The following ELOVL6 variants were observed in gnomAD, a reference collection of about 807,000 sequenced individuals.
The protein encoded by ELOVL6 is very long chain fatty acid elongase 6.
ELOVL6 carries 8 observed loss-of-function variants against 31.7 expected under a neutral mutation model. The observed-to-expected ratio is 0.25, with a 90% CI of 0.15 to 0.45. The LOEUF (loss-of-function observed/expected upper bound fraction) is 0.45. ELOVL6 is among the 20% of genes least tolerant of loss of function. The pLI is 1.00. For synonymous variants in ELOVL6, 101 were observed against 117.7 expected (o/e 0.86, Z 0.92); for missense variants, 126 against 326.4 (o/e 0.39, Z 4.73).
At chr4:110,117,863 C>G (rs1189502975) in intron 1 of ELOVL6, 1 of 46,786 alleles carries the variant, frequency 2.1e-5, no homozygotes, top group East Asian at 6.3e-4. Flanking sequence ...GCCTGGGCAA[C>G]AGAGTGAGAC....
At chr4:110,111,099 C>G (rs1757022035) in intron 1 of ELOVL6, among the ~76,000 whole-genome samples, 1 of 152,160 alleles carries the variant, frequency 6.6e-6, no homozygotes, top group Non-Finnish European at 1.5e-5. Context: ...GGCTGCACAT[C>G]CCTTTCCAGG....
At chr4:110,099,705 GAA>G (rs1184261536) in intron 2 of ELOVL6, among the ~76,000 whole-genome samples, 1 of 152,176 alleles carries the variant, frequency 6.6e-6, no homozygotes, top group Non-Finnish European at 1.5e-5. Context: ...CTGATGAAAA[GAA>G]AACACTGCCA....
intron 1 of ELOVL6, among the ~76,000 whole-genome samples, chr4:110,179,167 A>G (rs942973663): frequency 2.0e-5 from 3 of 152,186 alleles, no homozygotes. Context: ...ATACAATTTA[A>G]TTGACGAGAC....
intron 1 of ELOVL6, among the ~76,000 whole-genome samples, chr4:110,143,425 T>G (rs562413312): frequency 1.3e-5 from 2 of 152,312 alleles, no homozygotes; most frequent in African/African-American, 4.8e-5. Flanking sequence ...AATTTCATGT[T>G]CTGATTTCAT....
At chr4:110,052,341 A>C (rs2126219010) in intron 3 of ELOVL6, among the ~76,000 whole-genome samples, 1 of 152,354 alleles carries the variant, frequency 6.6e-6, no homozygotes, top group Admixed American at 6.5e-5. Flanking sequence ...GAGCTCCCTA[A>C]ATTACACAGC....
intron 1 of ELOVL6, among the ~76,000 whole-genome samples, chr4:110,177,079 T>C (rs902605631): frequency 3.3e-5 from 5 of 152,206 alleles, no homozygotes; most frequent in African/African-American, 1.2e-4. Context: ...CCCCATCCTC[T>C]GTCAGTGAAT....
In ELOVL6 at chr4:110,084,586, A is replaced by T. The variant is rs1357927400; in HGVS notation, c.221+20911T>A. 3.6e-3 allele frequency among the ~76,000 whole-genome samples: 141 copies of T among 39,572 alleles called. 3 individuals are homozygous for T. The highest frequency in any genetic ancestry group is 0.016 in the East Asian group (15 of 918). The allele number at this position is 39,572 out of a possible 152,430, so 26.0% of individuals were successfully genotyped here. A position where few individuals can be genotyped will look rare whatever the true frequency, so the allele number is the denominator to read the frequency against. On this transcript the variant is annotated intron_variant, in intron 2 of 3. Transcript: ENST00000302274. ...CAGATATATATATATATATATATAT[A>T]TATTTTTTTTTTTTTTTTTTTTTTT...
At chr4:110,137,555 A>C (rs912661586) in intron 1 of ELOVL6, among the ~76,000 whole-genome samples, 1 of 152,192 alleles carries the variant, frequency 6.6e-6, no homozygotes, top group Non-Finnish European at 1.5e-5. Context: ...ATGTCAGTTA[A>C]GTTTATGCTT....
In ELOVL6 at chr4:110,084,211, CATATAACTTATATGATAT is replaced by C. The variant is rs1434755519; in HGVS notation, c.221+21268_221+21285del. Among the ~76,000 whole-genome samples the C allele has an allele frequency of 8.8e-5, 5 of 56,944 alleles. 1 individual carries two copies. Among genetic ancestry groups the C allele is most frequent in the Non-Finnish European group, 1.4e-4 (5 of 35,268 alleles). The allele number at this position is 56,944 out of a possible 152,430, so 37.4% of individuals were successfully genotyped here. On this transcript the variant is annotated intron_variant, in intron 2 of 3. Coordinates refer to ENST00000302274, the MANE Select transcript of ELOVL6 (RefSeq NM_024090.3). ...CATATAACTTATATGATATATATAA[CATATAACTTATATGATAT>C]ATATAACATATATGATATATATAAC...
At chr4:110,152,013 T>C (rs1560846722) in intron 1 of ELOVL6, among the ~76,000 whole-genome samples, 1 of 152,176 alleles carries the variant, frequency 6.6e-6, no homozygotes. Context: ...AGTTCTAAAC[T>C]GGGTAGAAAT....
intron 1 of ELOVL6, among the ~76,000 whole-genome samples, chr4:110,112,037 T>C (rs1033103703): frequency 6.6e-6 from 1 of 152,372 alleles, no homozygotes; most frequent in Admixed American, 6.5e-5. Context: ...AAATCACACA[T>C]ACCCCATCAT....
chr4:110,197,896 C>A (rs1005695102), intron 1 of ELOVL6: 4 of 302,744 alleles, frequency 1.3e-5, no homozygotes, highest in South Asian at 9.0e-5. Context: ...AGATGAAAAC[C>A]GGGGGAGGGG....
At chr4:110,147,663 T>TG (rs1343533900) in intron 1 of ELOVL6, among the ~76,000 whole-genome samples, 1 of 151,306 alleles carries the variant, frequency 6.6e-6, no homozygotes. Context: ...TGGTGGTGTG[T>TG]GCCTGTATTC....
At position 110,165,767 on chromosome 4, in the gene ELOVL6, A is replaced by C. The variant is rs146263822; in HGVS notation, c.89+32480T>G. Among the ~76,000 whole-genome samples the C allele has an allele frequency of 3.7e-3, 563 of 152,340 alleles. 4 individuals are homozygous for C. In the Middle Eastern group the frequency reaches 0.048, roughly 13 times the overall value. ...ACTAACAGGAGGATTTTTGTAATAA[A>C]GTATGTGGAGCTGGCCAGGTAACAC... On this transcript the variant is annotated intron_variant, in intron 1 of 3. Coordinates refer to ENST00000302274, the MANE Select transcript of ELOVL6 (RefSeq NM_024090.3).
intron 1 of ELOVL6, among the ~76,000 whole-genome samples, chr4:110,112,436 C>A (rs187659692): frequency 6.6e-6 from 1 of 152,298 alleles, no homozygotes; most frequent in African/African-American, 2.4e-5. Flanking sequence ...AATCCTAAAG[C>A]GTTGCATCTT....
chr4:110,196,251 A>T (rs1361025540), intron 1 of ELOVL6, among the ~76,000 whole-genome samples: 1 of 152,196 alleles, frequency 6.6e-6, no homozygotes, highest in Non-Finnish European at 1.5e-5. Flanking sequence ...GGACGCAGCA[A>T]GTCAGAGATT....
Position 110,048,717 on chromosome 4 carries a change from A to T in ELOVL6, c.*2621T>A, listed in dbSNP as rs553973813. ...TTTTGTTTTGTTTTGTTTTGTTTTA[A>T]AAAAAATGTGGCTTTTTTCCTCCCA... On this transcript the variant is annotated 3_prime_UTR_variant, in exon 4 of 4. Transcript: ENST00000302274. 2.3e-3 allele frequency: 84 copies of T among 36,618 alleles called. No individual in the cohort carries two copies. The African/African-American group carries it at 0.059, about 26-fold the overall frequency. The allele number at this position is 36,618 out of a possible 1,614,324, so 2.3% of individuals were successfully genotyped here.
intron 1 of ELOVL6, among the ~76,000 whole-genome samples, chr4:110,138,325 T>A (rs780998748): frequency 6.6e-5 from 10 of 152,208 alleles, no homozygotes; most frequent in Non-Finnish European, 1.2e-4. Flanking sequence ...CAAATCCTAC[T>A]GGGTATTTCT....
At chr4:110,091,440 C>G (rs1756425153) in intron 2 of ELOVL6, among the ~76,000 whole-genome samples, 2 of 152,232 alleles carry the variant, frequency 1.3e-5, no homozygotes, top group African/African-American at 4.8e-5. Flanking sequence ...CTCCTGAGCT[C>G]TGTGCCCTTG....
Sources: gnomAD v4.1 joint callset for allele counts (sites outside exome capture counted in the v4.1 genomes callset) on GRCh38, gnomAD v4.1.1 for gene constraint, MANE v1.5 for transcripts, NCBI Gene and HGNC (gene_info 2026-07-23, HGNC 2026-07-21) for gene names.